The following LCLAT1 variants were observed in gnomAD, a reference collection of about 807,000 sequenced individuals.
The protein encoded by LCLAT1 is 1-AGP acyltransferase 8.
A neutral mutation model predicts 30.7 loss-of-function variants in LCLAT1; 11 were observed. The ratio of observed to expected loss-of-function variants is 0.36; its 90% CI spans 0.23 to 0.59. LCLAT1 has a LOEUF of 0.59. Ranked by LOEUF, LCLAT1 falls within the 20% of genes least tolerant of loss-of-function variation. The pLI, the probability that LCLAT1 is intolerant of heterozygous loss-of-function variation, is 0.77. For missense variants in LCLAT1, 402 were observed against 458.6 expected (o/e 0.88, Z 1.13); for synonymous variants, 155 against 151.3 (o/e 1.02, Z -0.18).
At chr2:30,621,419 G>A (rs1265106668) in intron 5 of LCLAT1, among the ~76,000 whole-genome samples, 3 of 152,068 alleles carry the variant, frequency 2.0e-5, no homozygotes, top group Non-Finnish European at 4.4e-5. Flanking sequence ...AAGAAGGGAT[G>A]GGGAAAAAAT....
At chr2:30,469,654 C>T (rs111383457) in intron 1 of LCLAT1, among the ~76,000 whole-genome samples, 3,348 of 147,510 alleles carry the variant, frequency 0.023, 113 homozygotes, top group African/African-American at 0.079. Flanking sequence ...TCTGGACTCA[C>T]TACAACCTCC....
intron 1 of LCLAT1, among the ~76,000 whole-genome samples, chr2:30,501,391 T>C (rs1364137387): frequency 6.6e-6 from 1 of 152,184 alleles, no homozygotes; most frequent in Non-Finnish European, 1.5e-5. Flanking sequence ...AAAAGTCTTT[T>C]ATAAAAGATA....
intron 5 of LCLAT1, among the ~76,000 whole-genome samples, chr2:30,629,577 T>G (rs910513755): frequency 5.9e-5 from 9 of 152,026 alleles, no homozygotes; most frequent in Admixed American, 5.2e-4. Context: ...CAAAAAAAAA[T>G]TATATACTTG....
At chr2:30,479,401 G>T (rs914024644) in intron 1 of LCLAT1, among the ~76,000 whole-genome samples, 2 of 151,890 alleles carry the variant, frequency 1.3e-5, no homozygotes, top group Non-Finnish European at 1.5e-5. Flanking sequence ...ATCTGTGGAG[G>T]ATTGCTCAAG....
chr2:30,537,245 G>A (rs1400672483), intron 3 of LCLAT1, among the ~76,000 whole-genome samples: 1 of 152,140 alleles, frequency 6.6e-6, no homozygotes, highest in Non-Finnish European at 1.5e-5. Context: ...GCCGGGCGCG[G>A]TGGCGGGCGC....
intron 1 of LCLAT1, among the ~76,000 whole-genome samples, chr2:30,456,061 A>G (rs949974620): frequency 6.6e-6 from 1 of 151,744 alleles, no homozygotes; most frequent in African/African-American, 2.4e-5. Context: ...CGAAGGCTTT[A>G]TTCAATTTCT....
intron 5 of LCLAT1, among the ~76,000 whole-genome samples, chr2:30,627,931 C>T (rs1382101791): frequency 1.3e-5 from 2 of 152,194 alleles, no homozygotes; most frequent in South Asian, 2.1e-4. Context: ...AAATTCAAAA[C>T]TTTAAGTAAA....
At chr2:30,574,419 C>T (rs915915995) in intron 5 of LCLAT1, among the ~76,000 whole-genome samples, 1 of 152,118 alleles carries the variant, frequency 6.6e-6, no homozygotes, top group Non-Finnish European at 1.5e-5. Flanking sequence ...AAATATCTCC[C>T]ATGGCTCTTC....
At chr2:30,570,809 C>T (rs774363328) in intron 5 of LCLAT1, among the ~76,000 whole-genome samples, 3 of 152,118 alleles carry the variant, frequency 2.0e-5, no homozygotes, top group Non-Finnish European at 2.9e-5. Context: ...GTGATGCTGC[C>T]TGAGATAACG....
Position 30,640,264 on chromosome 2 carries a change from A to G in LCLAT1, c.776A>G (p.Lys259Arg). 1 of 1,614,130 alleles carries G rather than the reference A, an allele frequency of 6.2e-7. No homozygotes were observed. The highest frequency in any genetic ancestry group is 1.1e-5 in the South Asian group (1 of 91,082). ...RYPIDTLPTSKEDLQLWCHKR... is the reference protein window; with the variant it reads ...RYPIDTLPTSREDLQLWCHKR... ...CCAATAGACACCCTCCCCACATCCA[A>G]GGAGGACCTTCAACTCTGGTGCCAC... Residue 259 changes from lysine to arginine, a missense_variant, in exon 6 of 6, where the codon AAG (lysine) becomes AGG (arginine). Transcript: ENST00000379509.
intron 1 of LCLAT1, among the ~76,000 whole-genome samples, chr2:30,450,048 G>C (rs1277740434): frequency 6.6e-6 from 1 of 152,184 alleles, no homozygotes; most frequent in Non-Finnish European, 1.5e-5. Flanking sequence ...AAGTCTTTAG[G>C]ATGTAAACAT....
intron 5 of LCLAT1, among the ~76,000 whole-genome samples, chr2:30,632,286 C>T (rs115970287): frequency 2.0e-5 from 3 of 152,222 alleles, no homozygotes; most frequent in African/African-American, 7.2e-5. Context: ...AAAACAACAA[C>T]AACAAAAGAT....
intron 5 of LCLAT1, among the ~76,000 whole-genome samples, chr2:30,575,654 T>C (rs1279750003): frequency 6.6e-6 from 1 of 152,194 alleles, no homozygotes; most frequent in Non-Finnish European, 1.5e-5. Context: ...TACATTTTTT[T>C]TCTAGATTAT....
At chr2:30,455,840 G>A (rs1204831968) in intron 1 of LCLAT1, among the ~76,000 whole-genome samples, 1 of 147,122 alleles carries the variant, frequency 6.8e-6, no homozygotes, top group Non-Finnish European at 1.5e-5. Flanking sequence ...AGCCTGGGAG[G>A]TTGAGGCTGC....
Position 30,481,514 on chromosome 2 carries a change from A to G in LCLAT1, c.-5+34131A>G, listed in dbSNP as rs559664133. Among the ~76,000 whole-genome samples the G allele has an allele frequency of 2.6e-5, 4 of 152,332 alleles. No homozygotes were observed. In the South Asian group the frequency reaches 8.3e-4, roughly 32 times the overall value. ...GGAGAGAAGGATCACCGATGTCAGA[A>G]GAAAACCTGGAGAGTGTTGTCACAA... On this transcript the variant is annotated intron_variant, in intron 1 of 5. Transcript: ENST00000379509.
chr2:30,593,806 C>T (rs1219660971), intron 5 of LCLAT1, among the ~76,000 whole-genome samples: 9 of 150,868 alleles, frequency 6.0e-5, no homozygotes, highest in Non-Finnish European at 1.3e-4. Context: ...ATTAGTAGTC[C>T]CTACTACTTG....
intron 1 of LCLAT1, among the ~76,000 whole-genome samples, chr2:30,518,249 A>T (rs1336339624): frequency 6.6e-6 from 1 of 152,216 alleles, no homozygotes; most frequent in Non-Finnish European, 1.5e-5. Flanking sequence ...TTTAAATCTT[A>T]TTACTATACA....
rs773499178 is a variant in LCLAT1 at position 30,525,700 on chromosome 2, C to T, written c.110C>T (p.Ser37Phe). 8 of 1,614,080 alleles carry T rather than the reference C, an allele frequency of 5.0e-6. No individual in the cohort carries two copies. The highest frequency in any genetic ancestry group is 6.8e-6 in the Non-Finnish European group (8 of 1,180,010). ...PFLPLMFVNPSWYRWINNRLV... is the reference protein window; with the variant it reads ...PFLPLMFVNPFWYRWINNRLV... ...TTACCTTTGATGTTTGTAAACCCAT[C>T]TTGGTATCGCTGGATCAACAACCGC... The change falls in exon 2 of 6, where the codon TCT becomes TTT. Residue 37 changes from serine to phenylalanine, a missense_variant. Transcript: ENST00000379509.
chr2:30,600,123 C>T (rs1226144671), intron 5 of LCLAT1, among the ~76,000 whole-genome samples: 4 of 152,078 alleles, frequency 2.6e-5, no homozygotes, highest in Admixed American at 2.6e-4. Flanking sequence ...GACAGATTAC[C>T]TCAGCATCTG....
Sources: gnomAD v4.1 joint callset for allele counts (sites outside exome capture counted in the v4.1 genomes callset) on GRCh38, gnomAD v4.1.1 for gene constraint, MANE v1.5 for transcripts, NCBI Gene and HGNC (gene_info 2026-07-23, HGNC 2026-07-21) for gene names.